Variants in MREG observed in about 807,000 individuals in gnomAD.
MREG encodes the protein melanoregulin, also known as dilute suppressor protein homolog.
Under a neutral mutation model 28.5 loss-of-function variants are expected in MREG, and 31 were observed. The observed-to-expected ratio is 1.09, with a 90% CI of 0.82 to 1.47. The LOEUF is 1.47. Among genes scored for constraint, MREG ranks in the 40% most tolerant of loss-of-function variants. The pLI is 0.00. For synonymous variants in MREG, 106 were observed against 95.2 expected, an observed-to-expected ratio of 1.11 and a Z score of -0.66; for missense variants, 256 against 257.4, an observed-to-expected ratio of 0.99 and a Z score of 0.04.
At chr2:216,029,499 G>T (rs983056190) in intron 1 of MREG, among the ~76,000 whole-genome samples, 4 of 152,174 alleles carry the variant, frequency 2.6e-5, no homozygotes, top group African/African-American at 9.7e-5. Flanking sequence ...AGGCTGCTGA[G>T]TTAGGACGAC....
At chr2:215,996,172 C>T in intron 2 of MREG, 134 bp downstream of exon 2, 1 of 946,402 alleles carries the variant, frequency 1.1e-6, no homozygotes, top group Non-Finnish European at 1.5e-6. Flanking sequence ...ATATATGCTG[C>T]TAAAATACCT....
rs1349031764 is a variant in MREG, at chr2:215,993,856, CAAT to C, written c.255+2447_255+2449del. 3.3e-5 allele frequency among the ~76,000 whole-genome samples: 5 copies of C among 152,324 alleles called. No individual in the cohort carries two copies. In the East Asian group the frequency reaches 9.6e-4, roughly 29 times the overall value. On this transcript the variant is annotated intron_variant, in intron 2 of 4. Transcript: ENST00000263268. ...ATTAGAGAAATGCAAATCAAAACTA[CAAT>C]GAGATACCATCTCATGCCAGTTAGA...
At chr2:215,999,554 G>A (rs942491288) in intron 1 of MREG, among the ~76,000 whole-genome samples, 3 of 152,192 alleles carry the variant, frequency 2.0e-5, no homozygotes, top group Non-Finnish European at 4.4e-5. Flanking sequence ...AGAGCTAGAA[G>A]GAAGATTGTT....
intron 2 of MREG, among the ~76,000 whole-genome samples, chr2:215,963,735 A>C (rs1456528251): frequency 1.3e-5 from 2 of 151,824 alleles, no homozygotes; most frequent in African/African-American, 2.4e-5. Context: ...TCTTGTGTAG[A>C]TCCTCCAGGT....
At chr2:215,958,191 G>A (rs1013082451) in intron 2 of MREG, among the ~76,000 whole-genome samples, 8 of 150,890 alleles carry the variant, frequency 5.3e-5, no homozygotes, top group Admixed American at 6.6e-5. Context: ...CACCAACATG[G>A]CACATGTATA....
At chr2:215,978,519 C>T (rs908105525) in intron 2 of MREG, among the ~76,000 whole-genome samples, 2 of 152,168 alleles carry the variant, frequency 1.3e-5, no homozygotes, top group Admixed American at 6.5e-5. Context: ...AGGAATCCTC[C>T]CTAACTCGTT....
rs1045284453 is a variant in MREG, at chr2:216,007,408, T to A, written c.95+5825A>T. Among the ~76,000 whole-genome samples the A allele has an allele frequency of 1.4e-4, 11 of 76,912 alleles. No individual in the cohort carries two copies. In the East Asian group the frequency reaches 2.1e-3, roughly 15 times the overall value. The allele number at this position is 76,912 out of a possible 152,430, so 50.5% of individuals were successfully genotyped here. A position where few individuals can be genotyped will look rare whatever the true frequency, so the allele number is the denominator to read the frequency against. ...TTTGTGATCACTTAGCAACATTTTA[T>A]TTATTTATTTATTTATTTATTTATT... is the stretch of plus-strand genomic sequence containing the variant. On this transcript the variant is annotated intron_variant, in intron 1 of 4. Coordinates refer to ENST00000263268, the MANE Select transcript of MREG (RefSeq NM_018000.3).
chr2:215,986,594 T>G (rs911029019), intron 2 of MREG, among the ~76,000 whole-genome samples: 1 of 152,200 alleles, frequency 6.6e-6, no homozygotes, highest in African/African-American at 2.4e-5. Flanking sequence ...GAATTTTAAT[T>G]ATCCCTACAT....
At chr2:216,016,109 G>T (rs1694445788), upstream of MREG, among the ~76,000 whole-genome samples, 1 of 152,196 alleles carries the variant, frequency 6.6e-6, no homozygotes, top group African/African-American at 2.4e-5. Flanking sequence ...CTTAGCTGGG[G>T]AGACAGGATA....
chr2:215,987,152 TA>T (rs1205322845), intron 2 of MREG, among the ~76,000 whole-genome samples: 1 of 151,926 alleles, frequency 6.6e-6, no homozygotes, highest in African/African-American at 2.4e-5. Context: ...GTCCAAAATA[TA>T]TTAAGTGGGA....
chr2:215,951,221 C>T (rs970114981), intron 2 of MREG, among the ~76,000 whole-genome samples: 1 of 152,104 alleles, frequency 6.6e-6, no homozygotes, highest in Non-Finnish European at 1.5e-5. Flanking sequence ...TAATACAGAT[C>T]GAAATGCAGC....
chr2:216,025,978 G>A (rs1358132195), intron 1 of MREG, among the ~76,000 whole-genome samples: 2 of 152,198 alleles, frequency 1.3e-5, no homozygotes, highest in African/African-American at 4.8e-5. Flanking sequence ...ATAAGGTTCA[G>A]GAAATTGTCC....
At chr2:215,940,039 G>A (rs773057897), downstream of MREG, among the ~76,000 whole-genome samples, 2 of 152,050 alleles carry the variant, frequency 1.3e-5, no homozygotes, top group African/African-American at 2.4e-5. Flanking sequence ...ACATAGGTGA[G>A]AAACAATATC....
At chr2:216,017,814 G>A (rs944699738), upstream of MREG, among the ~76,000 whole-genome samples, 10 of 152,118 alleles carry the variant, frequency 6.6e-5, no homozygotes, top group African/African-American at 2.4e-4. Flanking sequence ...CTGGGAGTTA[G>A]AGGAAAAAGC....
At chr2:215,946,986 G>T in intron 3 of MREG, 37 bp downstream of exon 3, 1 of 1,229,666 alleles carries the variant, frequency 8.1e-7, no homozygotes, top group Non-Finnish European at 1.2e-6. Flanking sequence ...ATCACAACGA[G>T]TTATTTTTAC....
At chr2:215,950,713 CT>C (rs1692459706) in intron 2 of MREG, among the ~76,000 whole-genome samples, 1 of 152,158 alleles carries the variant, frequency 6.6e-6, no homozygotes, top group Admixed American at 6.5e-5. Context: ...AGGGTTTTAA[CT>C]AAGAATAGAC....
At chr2:216,006,614 A>G (rs989813346) in intron 1 of MREG, among the ~76,000 whole-genome samples, 1 of 152,208 alleles carries the variant, frequency 6.6e-6, no homozygotes, top group Non-Finnish European at 1.5e-5. Context: ...AAAACCCAAT[A>G]GTATGTGCTG....
chr2:216,007,206 C>T (rs947804433), intron 1 of MREG, among the ~76,000 whole-genome samples: 1 of 152,106 alleles, frequency 6.6e-6, no homozygotes, highest in African/African-American at 2.4e-5. Flanking sequence ...TTCGCCCACT[C>T]GTCAAAATTT....
intron 2 of MREG, among the ~76,000 whole-genome samples, chr2:215,978,492 C>T (rs1294266015): frequency 2.0e-5 from 3 of 152,158 alleles, no homozygotes; most frequent in African/African-American, 7.2e-5. Context: ...GAAACTATAC[C>T]AATCAACAGA....
Sources: gnomAD v4.1 joint callset for allele counts (sites outside exome capture counted in the v4.1 genomes callset) on GRCh38, gnomAD v4.1.1 for gene constraint, MANE v1.5 for transcripts, NCBI Gene and HGNC (gene_info 2026-07-23, HGNC 2026-07-21) for gene names.